The following NRG1 variants were observed in gnomAD, a reference collection of about 807,000 sequenced individuals.
The protein encoded by NRG1 is neuregulin 1.
NRG1 carries 18 observed loss-of-function variants against 63.8 expected under a neutral mutation model. The ratio of observed to expected loss-of-function variants is 0.28; its 90% confidence interval spans 0.19 to 0.42. The LOEUF (loss-of-function observed/expected upper bound fraction) is 0.42. Among genes scored for constraint, NRG1 ranks in the 10% least tolerant of loss-of-function variants. The probability of loss-of-function intolerance (pLI) is 1.00; values close to 1 mark genes in which losing one functional copy is unlikely to be tolerated. For missense variants in NRG1, 762 were observed against 814.7 expected (o/e 0.94, Z 0.79); for synonymous variants, 302 against 301.3 (o/e 1.00, Z -0.02).
chr8:31,968,236 C>A (rs1315974763), intron 1 of NRG1, among the ~76,000 whole-genome samples: 2 of 152,148 alleles, frequency 1.3e-5, no homozygotes, highest in African/African-American at 4.8e-5. Flanking sequence ...AAATATCATA[C>A]ACTGACATTG....
intron 1 of NRG1, among the ~76,000 whole-genome samples, chr8:31,820,066 G>A (rs1257393140): frequency 6.9e-6 from 1 of 144,694 alleles, no homozygotes; most frequent in African/African-American, 2.5e-5. Context: ...CTTCCTTTGT[G>A]TGATGAACAG....
intron 1 of NRG1, among the ~76,000 whole-genome samples, chr8:32,346,745 G>A (rs571260750): frequency 8.6e-5 from 13 of 151,886 alleles, no homozygotes; most frequent in African/African-American, 2.9e-4. Flanking sequence ...TATCTTTGGG[G>A]TACATGTGAT....
chr8:32,075,193 C>T (rs771897650), intron 1 of NRG1, among the ~76,000 whole-genome samples: 1 of 152,184 alleles, frequency 6.6e-6, no homozygotes, highest in African/African-American at 2.4e-5. Context: ...ATAAAGACAA[C>T]CTTAAACATT....
intron 1 of NRG1, among the ~76,000 whole-genome samples, chr8:31,895,957 T>C (rs1831543254): frequency 6.6e-6 from 1 of 152,236 alleles, no homozygotes; most frequent in African/African-American, 2.4e-5. Flanking sequence ...GCAGTATATA[T>C]ATGCTTTAAA....
intron 1 of NRG1, among the ~76,000 whole-genome samples, chr8:32,062,215 G>A (rs1057257401): frequency 1.3e-5 from 2 of 152,070 alleles, no homozygotes; most frequent in African/African-American, 4.8e-5. Flanking sequence ...GGAACGAAGT[G>A]TGCCTGTCAC....
chr8:32,487,214 A>G (rs1685694279), intron 1 of NRG1, among the ~76,000 whole-genome samples: 1 of 151,864 alleles, frequency 6.6e-6, no homozygotes, highest in Non-Finnish European at 1.5e-5. Flanking sequence ...GAAAAAAACC[A>G]CAAAAAACAA....
At chr8:32,452,284 G>T (rs1287504949) in intron 1 of NRG1, among the ~76,000 whole-genome samples, 3 of 152,168 alleles carry the variant, frequency 2.0e-5, no homozygotes, top group Non-Finnish European at 4.4e-5. Flanking sequence ...GCTTTGCTTG[G>T]TGCTACAGTT....
intron 1 of NRG1, among the ~76,000 whole-genome samples, chr8:31,828,706 T>G (rs547360029): frequency 5.3e-5 from 8 of 152,216 alleles, no homozygotes; most frequent in Non-Finnish European, 1.2e-4. Flanking sequence ...CATGATATTT[T>G]CAACTTACCC....
intron 1 of NRG1, among the ~76,000 whole-genome samples, chr8:32,145,361 A>G (rs796941163): frequency 5.3e-5 from 8 of 151,882 alleles, no homozygotes; most frequent in African/African-American, 1.9e-4. Context: ...TTTTTTCAAG[A>G]TGAAGAGGGC....
At chr8:31,856,657 G>A (rs1391828792) in intron 1 of NRG1, among the ~76,000 whole-genome samples, 1 of 152,230 alleles carries the variant, frequency 6.6e-6, no homozygotes, top group Admixed American at 6.5e-5. Flanking sequence ...TGCTGGTGAG[G>A]AACTGCGTTC....
chr8:31,797,576 G>C (rs1207660318), intron 1 of NRG1, among the ~76,000 whole-genome samples: 2 of 152,168 alleles, frequency 1.3e-5, no homozygotes, highest in East Asian at 1.9e-4. Flanking sequence ...GCTAAAAATA[G>C]AACTACCATA....
chr8:31,790,649 A>G (rs537675545), intron 1 of NRG1, among the ~76,000 whole-genome samples: 1 of 152,312 alleles, frequency 6.6e-6, no homozygotes, highest in Admixed American at 6.5e-5. Context: ...TATGATTTCA[A>G]CACATGACTT....
intron 1 of NRG1, among the ~76,000 whole-genome samples, chr8:32,555,688 G>A (rs1025286393): frequency 6.6e-6 from 1 of 152,144 alleles, no homozygotes; most frequent in Non-Finnish European, 1.5e-5. Context: ...AGCCAGGATG[G>A]TCTCCATCTC....
intron 1 of NRG1, among the ~76,000 whole-genome samples, chr8:31,937,691 C>A (rs1003851039): frequency 6.6e-6 from 1 of 152,140 alleles, no homozygotes; most frequent in Admixed American, 6.5e-5. Context: ...GGAGTGAGAC[C>A]GGCCTTTAGG....
chr8:31,865,860 C>G (rs1828909496), intron 1 of NRG1, among the ~76,000 whole-genome samples: 2 of 152,108 alleles, frequency 1.3e-5, no homozygotes, highest in South Asian at 4.1e-4. Context: ...TCCATCTGAG[C>G]AGTCATATTA....
intron 1 of NRG1, among the ~76,000 whole-genome samples, chr8:31,695,342 A>G (rs1809948183): frequency 6.6e-6 from 1 of 152,140 alleles, no homozygotes; most frequent in African/African-American, 2.4e-5. Context: ...GCTACTGTTT[A>G]TATTTTTAGT....
At chr8:32,006,696 G>T (rs567825076) in intron 1 of NRG1, among the ~76,000 whole-genome samples, 1 of 152,110 alleles carries the variant, frequency 6.6e-6, no homozygotes, top group Non-Finnish European at 1.5e-5. Context: ...CATCAGCAAA[G>T]GAACCTGGAG....
At chr8:32,275,664 T>C (rs1852019011) in intron 1 of NRG1, among the ~76,000 whole-genome samples, 1 of 152,086 alleles carries the variant, frequency 6.6e-6, no homozygotes. Context: ...GTTAGAGAAG[T>C]AACCGTACGT....
At chr8:31,942,261 C>G (rs1801865768) in intron 1 of NRG1, among the ~76,000 whole-genome samples, 1 of 152,030 alleles carries the variant, frequency 6.6e-6, no homozygotes. Context: ...TGATATTCAC[C>G]AAAGCAAACA....
Sources: allele counts gnomAD v4.1 joint callset (sites outside exome capture counted in the v4.1 genomes callset), GRCh38; gene constraint gnomAD v4.1.1; transcripts MANE v1.5; gene names NCBI Gene and HGNC (gene_info 2026-07-23, HGNC 2026-07-21).